Variants in NUP107 observed in about 807,000 individuals in gnomAD.
NUP107 encodes the protein nucleoporin 107, also known as nuclear pore complex protein Nup107.
NUP107 carries 101 observed loss-of-function variants against 141.0 expected under a neutral mutation model. That is an observed-to-expected ratio of 0.72 (90% CI 0.61 to 0.84). The LOEUF is 0.84. NUP107 is among the 40% of genes least tolerant of loss of function. NUP107 has a pLI of 0.00. For synonymous variants in NUP107, 319 were observed against 363.9 expected (o/e 0.88, Z 1.41); for missense variants, 941 against 1,102.7 (o/e 0.85, Z 2.08).
Position 68,715,642 on chromosome 12 carries a change from A to G in NUP107, c.985A>G (p.Ile329Val), listed in dbSNP as rs759174282. 4 of 1,609,440 alleles carry G rather than the reference A, an allele frequency of 2.5e-6. No individual in the cohort carries two copies. Among genetic ancestry groups the G allele is most frequent in the South Asian group, 2.2e-5 (2 of 90,978 alleles). The change falls in exon 12 of 28, where the codon ATA (isoleucine) becomes GTA (valine). Residue 329 changes from isoleucine (I) to valine (V), a missense_variant. Physicochemically the swap from Ile to Val is conservative, Grantham distance 29. Transcript: ENST00000229179. ...CTTCTTACAGGACCCTGATGCTCCC[A>G]TAAGACAGAAAATGCCCCTTGATGA... ...LVTELDPDAPIRQKMPLDDLD... is the reference protein window; with the variant it reads ...LVTELDPDAPVRQKMPLDDLD...
chr12:68,706,246 C>G, intron 8 of NUP107: 1 of 773,314 alleles, frequency 1.3e-6, no homozygotes, highest in Middle Eastern at 3.1e-4. Context: ...ATGAAGCTTA[C>G]AAGAACAAGG....
At chr12:68,706,947 G>C (rs970165942) in intron 8 of NUP107, 2 of 670,382 alleles carry the variant, frequency 3.0e-6, no homozygotes, top group Non-Finnish European at 5.4e-6. Context: ...CTGGACTCCA[G>C]CTTTGGCTCT....
intron 8 of NUP107, among the ~76,000 whole-genome samples, chr12:68,705,476 T>C (rs1876532002): frequency 6.6e-6 from 1 of 151,850 alleles, no homozygotes; most frequent in African/African-American, 2.4e-5. Context: ...CCGAAATTCC[T>C]TATATGTGGG....
intron 7 of NUP107, among the ~76,000 whole-genome samples, chr12:68,701,974 T>C (rs1319470882): frequency 1.3e-5 from 2 of 151,926 alleles, no homozygotes; most frequent in Admixed American, 1.3e-4. Context: ...CATGCCTAGC[T>C]AATTTTTGTA....
intron 1 of NUP107, among the ~76,000 whole-genome samples, chr12:68,687,914 A>G (rs868002096): frequency 5.3e-5 from 8 of 152,356 alleles, no homozygotes; most frequent in African/African-American, 1.7e-4. Context: ...GCCAACCTGC[A>G]TCTGTGTGTC....
chr12:68,693,085 A>ATTTTT (rs912996097), intron 5 of NUP107, among the ~76,000 whole-genome samples: 1 of 132,062 alleles, frequency 7.6e-6, no homozygotes. Context: ...TTATTTATTT[A>ATTTTT]TTTTTTTTTT....
At position 68,700,795 on chromosome 12, in the gene NUP107, A is replaced by G. The variant is rs753955652; in HGVS notation, c.622A>G (p.Met208Val). 3.7e-6 allele frequency: 6 copies of G among 1,611,320 alleles called. No homozygotes were observed. The African/African-American group carries it at 6.7e-5, about 18-fold the overall frequency. Reference sequence around the variant, plus strand: ...TCAAAAATTTTCAAAAACAGCCAGTATGCTCTGGCTTCTTCAACAGGAGAT... The same window carrying G: ...TCAAAAATTTTCAAAAACAGCCAGTGTGCTCTGGCTTCTTCAACAGGAGAT... ...GLQKFSKTAS[M>V]LWLLQQEMVT... Residue 208 changes from methionine to valine, a missense_variant, in exon 7 of 28, where the codon ATG becomes GTG. Met to Val is a conservative substitution (Grantham distance 21, BLOSUM62 1). Transcript: ENST00000229179.
chr12:68,730,693 A>G (rs1424080913), intron 20 of NUP107, among the ~76,000 whole-genome samples: 1 of 152,190 alleles, frequency 6.6e-6, no homozygotes, highest in Non-Finnish European at 1.5e-5. Context: ...GGCTGGACAC[A>G]GGGGCCCATG....
chr12:68,702,931 C>A (rs1876404761), intron 8 of NUP107, 147 bp downstream of exon 8: 2 of 433,346 alleles, frequency 4.6e-6, no homozygotes, highest in Non-Finnish European at 8.1e-6. Context: ...GCAACCTCTG[C>A]CTCCCGGGTT....
intron 20 of NUP107, among the ~76,000 whole-genome samples, chr12:68,730,461 C>T (rs10878861): frequency 0.22 from 33,072 of 151,870 alleles, 4,224 homozygotes; most frequent in Middle Eastern, 0.3. Flanking sequence ...TTAGGTGATC[C>T]GCCTGCCTCA....
chr12:68,715,582 T>A, intron 11 of NUP107, 45 bp from the exon 12 acceptor site: 1 of 1,018,048 alleles, frequency 9.8e-7, no homozygotes, highest in Non-Finnish European at 1.6e-6. Flanking sequence ...TGTATGTAAG[T>A]ACAAAGGATT....
At chr12:68,741,262 TA>T in intron 26 of NUP107, among the ~76,000 whole-genome samples, 1 of 152,270 alleles carries the variant, frequency 6.6e-6, no homozygotes, top group South Asian at 2.1e-4. Context: ...TTGTTTTCCT[TA>T]TATATCTGTT....
intron 26 of NUP107, among the ~76,000 whole-genome samples, chr12:68,741,421 A>C (rs1199146225): frequency 6.6e-6 from 1 of 152,158 alleles, no homozygotes. Context: ...CCCTCCCCAC[A>C]TCGTCTTTTT....
At position 68,732,744 on chromosome 12, in the gene NUP107, A is replaced by G; in HGVS notation, c.2101+5A>G. The G allele has an allele frequency of 1.3e-6, 2 of 1,581,464 alleles. No individual in the cohort carries two copies. The highest frequency in any genetic ancestry group is 8.7e-7 in the Non-Finnish European group (1 of 1,153,254). ...CAATTATGAGAAAATTCTTGGGTAT[A>G]GTATATTTTTATGCAGCTTCAAACT... On this transcript the variant is annotated splice_donor_5th_base_variant and intron_variant, in intron 23 of 27. Coordinates refer to ENST00000229179, the MANE Select transcript of NUP107 (RefSeq NM_020401.4).
Position 68,741,993 on chromosome 12 carries a change from G to A in NUP107, c.2670+13G>A, listed in dbSNP as rs540883748. 1 of 1,554,230 alleles carries A rather than the reference G, an allele frequency of 6.4e-7. No homozygotes were observed. Among genetic ancestry groups the A allele is most frequent in the African/African-American group, 1.4e-5 (1 of 72,544 alleles). ...CAAACTGTACCTGGTAAGTTCTAGA[G>A]CCTTGTAGTTTTAAATTTTAATGAT... On this transcript the variant is annotated intron_variant, in intron 27 of 27. Transcript: ENST00000229179.
chr12:68,715,817 C>A, intron 12 of NUP107, 77 bp downstream of exon 12: 4 of 776,076 alleles, frequency 5.2e-6, no homozygotes, highest in Middle Eastern at 2.4e-4. Flanking sequence ...TTTGTGGCTG[C>A]CTAGTAAGCC....
chr12:68,740,623 A>T (rs1212717826), intron 26 of NUP107, among the ~76,000 whole-genome samples: 1 of 152,068 alleles, frequency 6.6e-6, no homozygotes, highest in African/African-American at 2.4e-5. Flanking sequence ...TCTCACATGA[A>T]GATACTTTTA....
intron 5 of NUP107, among the ~76,000 whole-genome samples, chr12:68,696,193 G>C (rs946894884): frequency 1.3e-5 from 2 of 150,252 alleles, no homozygotes; most frequent in Admixed American, 1.3e-4. Flanking sequence ...GTGAAACCTC[G>C]TCTCTACTAA....
chr12:68,728,421 C>CTTTT (rs775566595), intron 20 of NUP107, among the ~76,000 whole-genome samples: 10 of 112,490 alleles, frequency 8.9e-5, no homozygotes, highest in Non-Finnish European at 1.2e-4. Flanking sequence ...GAAAACCTGT[C>CTTTT]TTTTTTTTTT....
Sources: gnomAD v4.1 joint callset for allele counts (sites outside exome capture counted in the v4.1 genomes callset) on GRCh38, gnomAD v4.1.1 for gene constraint, MANE v1.5 for transcripts, NCBI Gene and HGNC (gene_info 2026-07-23, HGNC 2026-07-21) for gene names.